STAG1: variants seen among roughly 807,000 people sequenced by gnomAD.
STAG1 encodes the protein STAG1 cohesin complex component.
Under a neutral mutation model 170.9 loss-of-function variants are expected in STAG1, and 26 were observed. The ratio of observed to expected loss-of-function variants is 0.15; its 90% CI spans 0.11 to 0.21. The LOEUF is 0.21. Among genes scored for constraint, STAG1 ranks in the 10% least tolerant of loss-of-function variants. The pLI is 1.00. For synonymous variants in STAG1, 514 were observed against 497.7 expected (o/e 1.03, Z -0.44); for missense variants, 964 against 1,509.5 (o/e 0.64, Z 5.99).
intron 1 of STAG1, among the ~76,000 whole-genome samples, chr3:136,656,617 TTGTGTGTGTGTG>T (rs71157397): frequency 2.1e-5 from 3 of 143,294 alleles, no homozygotes; most frequent in Admixed American, 6.9e-5. Flanking sequence ...CTGTATTTAT[TTGTGTGTGTGTG>T]TGTGTGTGTG....
At position 136,518,140 on chromosome 3, in the gene STAG1, G is replaced by A. The variant is rs1576554825; in HGVS notation, c.676+3073C>T. 4 of 382,432 alleles carry A rather than the reference G, an allele frequency of 1.0e-5. No homozygotes were observed. In the East Asian group the frequency reaches 1.5e-4, roughly 14 times the overall value. 23.7% of individuals were successfully genotyped at this position (382,432 alleles called of 1,614,324 possible). ...GGGACACATATTGAATTCATAACAG[G>A]AAAATGGGATATTTGGAAAACAGAT... On this transcript the variant is annotated intron_variant, in intron 7 of 33. Transcript: ENST00000383202.
chr3:136,474,189 A>G (rs1463431884), intron 10 of STAG1, among the ~76,000 whole-genome samples: 1 of 152,186 alleles, frequency 6.6e-6, no homozygotes, highest in Non-Finnish European at 1.5e-5. Context: ...TAAAGTCATC[A>G]ACTTGGCGTA....
chr3:136,499,028 A>G (rs1172055589), intron 9 of STAG1, among the ~76,000 whole-genome samples: 1 of 152,214 alleles, frequency 6.6e-6, no homozygotes, highest in African/African-American at 2.4e-5. Context: ...GCTGTCTCTG[A>G]GTAATCTGCA....
chr3:136,587,306 G>A (rs934114486), intron 4 of STAG1, among the ~76,000 whole-genome samples: 5 of 152,110 alleles, frequency 3.3e-5, no homozygotes, highest in East Asian at 1.9e-4. Flanking sequence ...TCGGCAGGCC[G>A]AGGCAGGTGG....
intron 1 of STAG1, among the ~76,000 whole-genome samples, chr3:136,670,745 T>A (rs1297096126): frequency 2.0e-5 from 3 of 152,098 alleles, no homozygotes; most frequent in Middle Eastern, 3.2e-3. Context: ...GTGCTGGGAT[T>A]ACAGGTCTGA....
chr3:136,345,152 C>T (rs1314263248), intron 29 of STAG1, among the ~76,000 whole-genome samples: 1 of 151,858 alleles, frequency 6.6e-6, no homozygotes, highest in Admixed American at 6.6e-5. Flanking sequence ...TACAGTGGCA[C>T]GATCTTGGCT....
chr3:136,512,258 A>G (rs1934106178), intron 7 of STAG1, among the ~76,000 whole-genome samples: 1 of 152,112 alleles, frequency 6.6e-6, no homozygotes, highest in African/African-American at 2.4e-5. Flanking sequence ...GTAAGTTGTA[A>G]TCATGCCACT....
chr3:136,673,350 A>G (rs1942034312), intron 1 of STAG1, among the ~76,000 whole-genome samples: 1 of 152,218 alleles, frequency 6.6e-6, no homozygotes, highest in Admixed American at 6.5e-5. Context: ...TCTTCACTGT[A>G]TGACACGGTT....
intron 14 of STAG1, among the ~76,000 whole-genome samples, chr3:136,446,769 A>C (rs749629759): frequency 7.3e-5 from 11 of 150,616 alleles, no homozygotes; most frequent in Non-Finnish European, 1.3e-4. Flanking sequence ...ACAATATAAT[A>C]AAATTTCTTA....
intron 1 of STAG1, among the ~76,000 whole-genome samples, chr3:136,688,182 G>A (rs576775252): frequency 6.6e-6 from 1 of 152,246 alleles, no homozygotes; most frequent in Non-Finnish European, 1.5e-5. Flanking sequence ...TTTTTAAAAT[G>A]AAATGTGGAT....
intron 1 of STAG1, among the ~76,000 whole-genome samples, chr3:136,677,093 A>T (rs958967564): frequency 2.6e-5 from 4 of 152,118 alleles, no homozygotes; most frequent in African/African-American, 9.7e-5. Context: ...TACAGTTAAC[A>T]TTTTTTTATA....
intron 4 of STAG1, among the ~76,000 whole-genome samples, chr3:136,576,131 T>C (rs765277146): frequency 3.3e-5 from 5 of 152,212 alleles, no homozygotes; most frequent in Non-Finnish European, 5.9e-5. Flanking sequence ...CACTAAATGA[T>C]AGTATATCCA....
chr3:136,549,092 T>C (rs1179401314), intron 5 of STAG1, among the ~76,000 whole-genome samples: 5 of 152,214 alleles, frequency 3.3e-5, no homozygotes, highest in African/African-American at 1.2e-4. Flanking sequence ...GATATTTCTT[T>C]ACAGCAGTGG....
At chr3:136,568,621 C>G in intron 5 of STAG1, 144 bp downstream of exon 5, 1 of 677,232 alleles carries the variant, frequency 1.5e-6, no homozygotes, top group South Asian at 1.8e-5. Context: ...ATATAACTTA[C>G]CAATAATATT....
chr3:136,541,538 T>TCACACACACACACACTCACACACACACA (rs1935899379), intron 6 of STAG1, among the ~76,000 whole-genome samples: 1 of 123,214 alleles, frequency 8.1e-6, no homozygotes, highest in Non-Finnish European at 1.7e-5. Flanking sequence ...AGCTTAACAT[T>TCACACACACACACACTCACACACACACA]CACACACACA....
intron 7 of STAG1, among the ~76,000 whole-genome samples, chr3:136,504,616 G>C (rs1371298325): frequency 2.6e-5 from 4 of 152,148 alleles, no homozygotes; most frequent in African/African-American, 9.7e-5. Context: ...GATAATACTA[G>C]TTTATCAGTG....
intron 1 of STAG1, among the ~76,000 whole-genome samples, chr3:136,646,673 C>G (rs1941027831): frequency 6.6e-6 from 1 of 151,968 alleles, no homozygotes; most frequent in African/African-American, 2.4e-5. Context: ...TTTGAGAGGC[C>G]GAGGCAGGCA....
At chr3:136,401,029 T>G (rs1380504723) in intron 21 of STAG1, among the ~76,000 whole-genome samples, 1 of 152,190 alleles carries the variant, frequency 6.6e-6, no homozygotes, top group East Asian at 1.9e-4. Context: ...AAAGAAGGTA[T>G]AGTTTAATAA....
At chr3:136,563,742 C>T (rs747598812) in intron 5 of STAG1, among the ~76,000 whole-genome samples, 3 of 151,838 alleles carry the variant, frequency 2.0e-5, no homozygotes, top group Non-Finnish European at 2.9e-5. Context: ...AGAGAAAGGC[C>T]GGGCACGGTG....
Sources: allele counts gnomAD v4.1 joint callset (sites outside exome capture counted in the v4.1 genomes callset), GRCh38; gene constraint gnomAD v4.1.1; transcripts MANE v1.5; gene names NCBI Gene and HGNC (gene_info 2026-07-23, HGNC 2026-07-21).